The following SERINC2 variants were observed in gnomAD, a reference collection of about 807,000 sequenced individuals.
SERINC2 encodes tumor differentially expressed protein 2.
Under a neutral mutation model 54.2 loss-of-function variants are expected in SERINC2, and 56 were observed. The observed-to-expected ratio is 1.03, with a 90% confidence interval of 0.83 to 1.29. The LOEUF is 1.29. Ranked by LOEUF, SERINC2 falls within the 50% of genes most tolerant of loss-of-function variation. The probability of loss-of-function intolerance (pLI) is 0.00; values close to 1 mark genes in which losing one functional copy is unlikely to be tolerated. For missense variants in SERINC2, 614 were observed against 607.4 expected, an observed-to-expected ratio of 1.01 and a Z score of -0.12; for synonymous variants, 272 against 253.1, an observed-to-expected ratio of 1.07 and a Z score of -0.71.
rs1553135431 is a variant in SERINC2, at chr1:31,434,506, A to ACGGGAG, written c.*312_*317dup. The ACGGGAG allele has an allele frequency of 2.9e-5, 11 of 381,898 alleles. No homozygotes were observed. The highest frequency in any genetic ancestry group is 9.6e-6 in the Non-Finnish European group (2 of 209,068). 23.7% of individuals were successfully genotyped at this position (381,898 alleles called of 1,614,324 possible). On this transcript the variant is annotated 3_prime_UTR_variant, in exon 10 of 10. Transcript: ENST00000373709. ...AAGGGCTCCCTTGTCCTCAGGCTCCACGGGAGCGGGGCTGCTGGAGAGAGC... is the reference window on the plus strand; with the variant it reads ...AAGGGCTCCCTTGTCCTCAGGCTCCACGGGAGCGGGAGCGGGGCTGCTGGAGAGAGC...
intron 1 of SERINC2, among the ~76,000 whole-genome samples, chr1:31,422,898 G>T (rs1640936638): frequency 6.6e-6 from 1 of 152,200 alleles, no homozygotes; most frequent in Non-Finnish European, 1.5e-5. Context: ...CCTGGAGAGG[G>T]AAAGGGTTAG....
At chr1:31,425,133 TCC>T (rs1641004020) in intron 3 of SERINC2, among the ~76,000 whole-genome samples, 195 bp from the exon 4 acceptor site, 1 of 152,150 alleles carries the variant, frequency 6.6e-6, no homozygotes, top group Non-Finnish European at 1.5e-5. Context: ...CACTGCTTGG[TCC>T]TTCCTCCTGC....
intron 1 of SERINC2, among the ~76,000 whole-genome samples, chr1:31,415,220 C>T (rs1425644995): frequency 6.6e-6 from 1 of 152,174 alleles, no homozygotes; most frequent in Non-Finnish European, 1.5e-5. Context: ...TCCCTCCCTT[C>T]CCCACATCCT....
intron 5 of SERINC2, 168 bp downstream of exon 5, chr1:31,426,081 G>A (rs1483139609): frequency 2.9e-6 from 2 of 701,444 alleles, no homozygotes; most frequent in Non-Finnish European, 4.6e-6. Context: ...GGCACCAGCT[G>A]ATCCTGGGAT....
At chr1:31,431,912 A>AGAGGG in intron 8 of SERINC2, among the ~76,000 whole-genome samples, 1 of 129,712 alleles carries the variant, frequency 7.7e-6, no homozygotes, top group Non-Finnish European at 1.7e-5. Flanking sequence ...GATAGGGTGG[A>AGAGGG]TAGGGTGGTT....
intron 1 of SERINC2, among the ~76,000 whole-genome samples, chr1:31,417,708 A>G (rs1640812748): frequency 6.6e-6 from 1 of 152,086 alleles, no homozygotes; most frequent in Non-Finnish European, 1.5e-5. Context: ...GTAACCACCA[A>G]TTCACTGCTT....
In SERINC2 at chr1:31,413,575, G is replaced by C. The variant is rs1457947393; in HGVS notation, c.39+271G>C. ...CGGGCAGGAGGGGAGTGCCCTCGGC[G>C]GGCGCCCTCCTGGGACCTGGAGAGA... On this transcript the variant is annotated intron_variant, in intron 1 of 9. Transcript: ENST00000373709. This position sits in a 1 kb window ranked among gnomAD's most constrained non-coding sequence, Gnocchi z 5.0. Among the ~76,000 whole-genome samples the C allele has an allele frequency of 6.6e-6, 1 of 151,634 alleles. No individual in the cohort carries two copies. Among genetic ancestry groups the C allele is most frequent in the Non-Finnish European group, 1.5e-5 (1 of 67,822 alleles).
chr1:31,425,883 G>A lies in SERINC2; in HGVS notation c.580G>A (p.Glu194Lys), dbSNP rs139323479. The A allele has an allele frequency of 3.5e-4, 561 of 1,612,782 alleles. No individual in the cohort carries two copies. Among genetic ancestry groups the A allele is most frequent in the Non-Finnish European group, 4.6e-4 (547 of 1,179,868 alleles). ...SWNQRWLGKA[E>K]ECDSRAWYAG... Reference sequence around the variant, plus strand: ...GAACCAGCGGTGGCTGGGCAAGGCCGAGGAGTGCGATTCCCGTGCCTGGTA... The same window carrying A: ...GAACCAGCGGTGGCTGGGCAAGGCCAAGGAGTGCGATTCCCGTGCCTGGTA... The change falls in exon 5 of 10, where the codon GAG becomes AAG. Residue 194 changes from glutamate (E) to lysine (K), a missense_variant. By Grantham distance (56) the Glu-to-Lys change is moderately conservative. Transcript: ENST00000373709.
At chr1:31,424,598 G>C in intron 2 of SERINC2, 85 bp from the exon 3 acceptor site, 3 of 1,212,058 alleles carry the variant, frequency 2.5e-6, no homozygotes, top group Non-Finnish European at 3.4e-6. Flanking sequence ...GCCGGCCTTG[G>C]GAGACCAGGG....
chr1:31,432,110 ATAGGGTGGTTAGGGTG>A (rs1557501320), intron 8 of SERINC2, among the ~76,000 whole-genome samples: 1 of 100,054 alleles, frequency 1.0e-5, no homozygotes, highest in Non-Finnish European at 2.0e-5. Context: ...GACAGGGTGG[ATAGGGTGGTTAGGGTG>A]GATAGGGTGG....
upstream of SERINC2, chr1:31,410,471 C>T (rs1553131347): frequency 6.5e-6 from 10 of 1,549,404 alleles, no homozygotes; most frequent in Non-Finnish European, 8.7e-6. Context: ...GTGTGAGAGC[C>T]CAGCCGGCCT....
chr1:31,426,960 C>T, intron 6 of SERINC2, 137 bp downstream of exon 6: 2 of 752,302 alleles, frequency 2.7e-6, no homozygotes, highest in South Asian at 3.9e-5. Flanking sequence ...GGTCAGCCTC[C>T]CCAGGTTATA....
Position 31,426,761 on chromosome 1 carries a change from A to G in SERINC2, c.718A>G (p.Ile240Val), listed in dbSNP as rs782095739. The G allele has an allele frequency of 1.2e-6, 2 of 1,614,162 alleles. No homozygotes were observed. Among genetic ancestry groups the G allele is most frequent in the Non-Finnish European group, 1.7e-6 (2 of 1,180,026 alleles). Residue 240 changes from isoleucine to valine, a missense_variant, in exon 6 of 10, where the codon ATC becomes GTC. Coordinates refer to ENST00000373709, the MANE Select transcript of SERINC2 (RefSeq NM_178865.5). ...CGGCTGCCACGAGGGCAAGGTCTTC[A>G]TCAGCCTCAACCTCACCTTCTGTGT... ...PSGCHEGKVFISLNLTFCVCV... is the reference protein window; with the variant it reads ...PSGCHEGKVFVSLNLTFCVCV...
intron 8 of SERINC2, among the ~76,000 whole-genome samples, chr1:31,431,793 G>A (rs1641220095): frequency 6.8e-6 from 1 of 146,200 alleles, no homozygotes; most frequent in Non-Finnish European, 1.5e-5. Context: ...TGGATAGGGT[G>A]GATAGGGTGG....
chr1:31,429,654 A>G, intron 8 of SERINC2, 116 bp downstream of exon 8: 1 of 1,163,358 alleles, frequency 8.6e-7, no homozygotes. Context: ...CATTCAATAT[A>G]TCCAGGTCTT....
At position 31,425,984 on chromosome 1, in the gene SERINC2, AG is replaced by A. The variant is rs1553133568; in HGVS notation, c.610+74del. 4 of 1,518,158 alleles carry A rather than the reference AG, an allele frequency of 2.6e-6. No homozygotes were observed. The South Asian group carries it at 4.7e-5, about 18-fold the overall frequency. The allele number at this position is 1,518,158 out of a possible 1,614,324, so 94.0% of individuals were successfully genotyped here. A position where few individuals can be genotyped will look rare whatever the true frequency, so the allele number is the denominator to read the frequency against. On this transcript the variant is annotated intron_variant, in intron 5 of 9. Transcript: ENST00000373709. ...AGGGCTGGGGCTGCCTGAGAAATCG[AG>A]GGTCCTTGAAGCTAGATAAAACTGG...
intron 1 of SERINC2, among the ~76,000 whole-genome samples, chr1:31,423,449 G>C (rs536787156): frequency 1.3e-5 from 2 of 152,130 alleles, no homozygotes; most frequent in African/African-American, 4.8e-5. Flanking sequence ...GCTAGCTCTC[G>C]CTTTCAAGCC....
At position 31,425,904 on chromosome 1, in the gene SERINC2, T is replaced by G. The variant is rs782788724; in HGVS notation, c.601T>G (p.Trp201Gly). Reference protein sequence around the residue: ...GKAEECDSRAWYAGLFFFTLL... With the variant: ...GKAEECDSRAGYAGLFFFTLL... The stretch of plus-strand genomic sequence containing the variant: ...GGCCGAGGAGTGCGATTCCCGTGCC[T>G]GGTACGCAGGTCAGTGCTGCCACCC... Residue 201 changes from tryptophan (W) to glycine (G), a missense_variant, in exon 5 of 10, where the codon TGG becomes GGG. Trp to Gly is a radical substitution (Grantham distance 184). Transcript: ENST00000373709. 15 of 1,611,626 alleles carry G rather than the reference T, an allele frequency of 9.3e-6. No individual in the cohort carries two copies. Among genetic ancestry groups the G allele is most frequent in the Non-Finnish European group, 1.3e-5 (15 of 1,179,730 alleles).
In SERINC2 at chr1:31,426,790, C is replaced by T. The variant is rs782160710; in HGVS notation, c.747C>T (p.Cys249=). ...GCCTCAACCTCACCTTCTGTGTCTGCGTGTCCATCGCTGCTGTCCTGCCCA... is the reference window on the plus strand; with the variant it reads ...GCCTCAACCTCACCTTCTGTGTCTGTGTGTCCATCGCTGCTGTCCTGCCCA... ...FISLNLTFCV[C]VSIAAVLPKV... Residue 249 remains cysteine (C), a synonymous_variant, in exon 6 of 10, where the codon TGC becomes TGT. Transcript: ENST00000373709. 3.8e-5 allele frequency: 61 copies of T among 1,613,920 alleles called. No individual in the cohort carries two copies. In the Middle Eastern group the frequency reaches 8.2e-4, roughly 22 times the overall value.
Sources: gnomAD v4.1 joint callset for allele counts (sites outside exome capture counted in the v4.1 genomes callset) on GRCh38, gnomAD v4.1.1 for gene constraint, Gnocchi (gnomAD v3.1) non-coding constraint, MANE v1.5 for transcripts, NCBI Gene and HGNC (gene_info 2026-07-23, HGNC 2026-07-21) for gene names.